Variants in LRRC52 observed in about 807,000 individuals in gnomAD.
LRRC52 encodes the protein leucine-rich repeat-containing protein 52.
LRRC52 carries 15 observed loss-of-function variants against 14.7 expected under a neutral mutation model. The ratio of observed to expected loss-of-function variants is 1.02; its 90% CI spans 0.68 to 1.58. LRRC52 has a LOEUF of 1.58. LRRC52 is among the 40% of genes most tolerant of loss of function. The probability of loss-of-function intolerance (pLI) is 0.00; values close to 1 mark genes in which losing one functional copy is unlikely to be tolerated. For missense variants in LRRC52, 400 were observed against 387.7 expected (o/e 1.03, Z -0.27); for synonymous variants, 180 against 163.9 (o/e 1.10, Z -0.75).
chr1:165,554,857 C>A (rs1661201167), intron 1 of LRRC52, among the ~76,000 whole-genome samples: 3 of 152,222 alleles, frequency 2.0e-5, no homozygotes, highest in Admixed American at 2.0e-4. Flanking sequence ...GTTAGACAAA[C>A]CCTTGTAATT....
chr1:165,563,469 G>A, intron 1 of LRRC52, 36 bp from the exon 2 acceptor site: 1 of 1,576,936 alleles, frequency 6.3e-7, no homozygotes, highest in Non-Finnish European at 8.6e-7. Context: ...GAGTCACGCT[G>A]TTTCAGCACC....
At chr1:165,559,174 A>G (rs992338120) in intron 1 of LRRC52, among the ~76,000 whole-genome samples, 2 of 152,238 alleles carry the variant, frequency 1.3e-5, no homozygotes, top group Non-Finnish European at 2.9e-5. Context: ...GGATCACCTG[A>G]GGTCAGGAGT....
At chr1:165,555,565 A>T (rs1229619269) in intron 1 of LRRC52, among the ~76,000 whole-genome samples, 3 of 152,206 alleles carry the variant, frequency 2.0e-5, no homozygotes, top group African/African-American at 7.2e-5. Flanking sequence ...GATTGCTCCC[A>T]CTGCTGTCTC....
intron 1 of LRRC52, among the ~76,000 whole-genome samples, chr1:165,556,305 C>A (rs1661232357): frequency 6.6e-6 from 1 of 152,192 alleles, no homozygotes. Context: ...GTTGAACTTG[C>A]TAAACGTCAA....
intron 1 of LRRC52, among the ~76,000 whole-genome samples, chr1:165,563,068 C>A (rs1264902065): frequency 6.6e-6 from 1 of 152,036 alleles, no homozygotes; most frequent in Non-Finnish European, 1.5e-5. Flanking sequence ...GGGATGGAGG[C>A]AAGGGAGGGG....
At chr1:165,549,215 G>A (rs1359119192) in intron 1 of LRRC52, among the ~76,000 whole-genome samples, 1 of 152,170 alleles carries the variant, frequency 6.6e-6, no homozygotes, top group Admixed American at 6.5e-5. Context: ...CTTGGGGCTG[G>A]ACCAGCAGCA....
At position 165,544,208 on chromosome 1, in the gene LRRC52, T is replaced by TACCCCCCCC; in HGVS notation, c.-89_-88insACCCCCCCC. On this transcript the variant is annotated 5_prime_UTR_variant, in exon 1 of 2. Coordinates refer to ENST00000294818, the MANE Select transcript of LRRC52 (RefSeq NM_001005214.4). Reference sequence around the variant, plus strand: ...GTGTTACAGTTCTTTCCAGAGCCCCTCCCCCGCCCCACCCCCCCACCGGCA... The same window carrying TACCCCCCCC: ...GTGTTACAGTTCTTTCCAGAGCCCCTACCCCCCCCCCCCCGCCCCACCCCCCCACCGGCA... 1 of 448,100 alleles carries TACCCCCCCC rather than the reference T, an allele frequency of 2.2e-6. No homozygotes were observed. The highest frequency in any genetic ancestry group is 4.2e-6 in the Non-Finnish European group (1 of 235,722). The allele number at this position is 448,100 out of a possible 1,614,324, so 27.8% of individuals were successfully genotyped here.
chr1:165,548,019 TG>T (rs1305988037), intron 1 of LRRC52, among the ~76,000 whole-genome samples: 40 of 152,346 alleles, frequency 2.6e-4, no homozygotes, highest in Admixed American at 2.5e-3. Flanking sequence ...ATACCACATT[TG>T]TTATCAAAAT....
At position 165,544,309 on chromosome 1, in the gene LRRC52, T is replaced by C; in HGVS notation, c.13T>C (p.Ser5Pro). The C allele has an allele frequency of 1.9e-6, 3 of 1,613,696 alleles. No individual in the cohort carries two copies. Among genetic ancestry groups the C allele is most frequent in the Non-Finnish European group, 2.5e-6 (3 of 1,179,838 alleles). Residue 5 changes from serine to proline, a missense_variant, in exon 1 of 2, where the codon TCA (serine) becomes CCA (proline). By Grantham distance (74) the Ser-to-Pro change is moderately conservative. Transcript: ENST00000294818. ...GTGGCTTCTTACTATGTCCCTTGCT[T>C]CAGGCCCTGGCCCTGGGTGGTTACT... MSLA[S>P]GPGPGWLLFS... is the part of the protein sequence containing the mutation.
chr1:165,552,903 G>A (rs541017453), intron 1 of LRRC52, among the ~76,000 whole-genome samples: 7 of 152,180 alleles, frequency 4.6e-5, no homozygotes, highest in African/African-American at 1.7e-4. Context: ...GGCTTGGACA[G>A]TGTGGGGGCT....
At chr1:165,550,936 G>C (rs1479297064) in intron 1 of LRRC52, among the ~76,000 whole-genome samples, 1 of 152,128 alleles carries the variant, frequency 6.6e-6, no homozygotes, top group East Asian at 1.9e-4. Context: ...TTGGGTTAGA[G>C]ATCCTCAAAG....
chr1:165,551,798 G>A (rs998648970), intron 1 of LRRC52, among the ~76,000 whole-genome samples: 1 of 152,088 alleles, frequency 6.6e-6, no homozygotes, highest in Admixed American at 6.5e-5. Context: ...ATATCATCCT[G>A]TATTCAAGAC....
chr1:165,544,235 C>G lies in LRRC52; in HGVS notation c.-62C>G, dbSNP rs1006515348. Reference sequence around the variant, plus strand: ...CCCCGCCCCACCCCCCCACCGGCAGCCTTCGGATCAGAGGACAGAGCCCGC... The same window carrying G: ...CCCCGCCCCACCCCCCCACCGGCAGGCTTCGGATCAGAGGACAGAGCCCGC... On this transcript the variant is annotated 5_prime_UTR_variant, in exon 1 of 2. Coordinates refer to ENST00000294818, the MANE Select transcript of LRRC52 (RefSeq NM_001005214.4). 7 of 1,494,008 alleles carry G rather than the reference C, an allele frequency of 4.7e-6. No homozygotes were observed. The highest frequency in any genetic ancestry group is 6.3e-6 in the Non-Finnish European group (7 of 1,116,426). 92.5% of individuals were successfully genotyped at this position (1,494,008 alleles called of 1,614,324 possible).
At chr1:165,560,943 G>A (rs1295248620) in intron 1 of LRRC52, among the ~76,000 whole-genome samples, 2 of 152,156 alleles carry the variant, frequency 1.3e-5, no homozygotes, top group East Asian at 3.9e-4. Context: ...TTTTGAGCCA[G>A]AGTGTGACCG....
chr1:165,551,739 A>T (rs571733047), intron 1 of LRRC52, among the ~76,000 whole-genome samples: 18 of 152,222 alleles, frequency 1.2e-4, no homozygotes, highest in Middle Eastern at 3.4e-3. Context: ...GGTCCAAGTC[A>T]TTTTGAGGGC....
In LRRC52 at chr1:165,544,461, C is replaced by G. The variant is rs868335002; in HGVS notation, c.165C>G (p.Thr55=). The change falls in exon 1 of 2, where the codon ACC becomes ACG. Residue 55 remains threonine (T), a synonymous_variant. Coordinates refer to ENST00000294818, the MANE Select transcript of LRRC52 (RefSeq NM_001005214.4). ...TEYPLDIPLN[T]RRLFLNENRI... ...ACCCCCTTGACATACCCCTGAACAC[C>G]CGGAGGCTGTTCCTGAACGAGAACA... is the stretch of plus-strand genomic sequence containing the variant. 10 of 1,614,010 alleles carry G rather than the reference C, an allele frequency of 6.2e-6. No individual in the cohort carries two copies. In the African/African-American group the frequency reaches 1.2e-4, roughly 19 times the overall value.
chr1:165,544,542 G>A lies in LRRC52; in HGVS notation c.246G>A (p.Leu82=), dbSNP rs115653001. 5.7e-4 allele frequency: 921 copies of A among 1,613,980 alleles called. 4 individuals carry two copies. The African/African-American group carries it at 0.011, about 20-fold the overall frequency. The change falls in exon 1 of 2, where the codon TTG becomes TTA. Residue 82 remains leucine (L), a synonymous_variant. Transcript: ENST00000294818. ...GACTCCTCAGTGACCTTGTTTATTT[G>A]GACTGTCAGAACAACCGGATTCGAG... The part of the protein sequence containing the change: ...HLGLLSDLVY[L]DCQNNRIREV...
chr1:165,545,891 T>C (rs545878405), intron 1 of LRRC52, among the ~76,000 whole-genome samples: 1 of 152,104 alleles, frequency 6.6e-6, no homozygotes, highest in South Asian at 2.1e-4. Flanking sequence ...GGGTAGAAAA[T>C]CAAATCCTGT....
intron 1 of LRRC52, among the ~76,000 whole-genome samples, chr1:165,559,073 C>T (rs1202271639): frequency 6.6e-6 from 1 of 152,102 alleles, no homozygotes; most frequent in Non-Finnish European, 1.5e-5. Context: ...TTTGTATGCA[C>T]CTAATAACAC....
Sources: gnomAD v4.1 joint callset for allele counts (sites outside exome capture counted in the v4.1 genomes callset) on GRCh38, gnomAD v4.1.1 for gene constraint, MANE v1.5 for transcripts, NCBI Gene and HGNC (gene_info 2026-07-23, HGNC 2026-07-21) for gene names.